ELAVL1: variants seen among roughly 807,000 people sequenced by gnomAD.
ELAVL1 encodes the protein ELAV like RNA binding protein 1, also known as ELAV-like protein 1.
ELAVL1 carries 1 observed loss-of-function variant against 28.4 expected under a neutral mutation model. The observed-to-expected ratio is 0.04, with a 90% CI of 0.01 to 0.17. The LOEUF is 0.17. Ranked by LOEUF, ELAVL1 falls within the 10% of genes least tolerant of loss-of-function variation. ELAVL1 has a pLI of 1.00. For synonymous variants in ELAVL1, 174 were observed against 183.5 expected, an observed-to-expected ratio of 0.95 and a Z score of 0.42; for missense variants, 157 against 447.2, an observed-to-expected ratio of 0.35 and a Z score of 5.85.
chr19:7,991,468 C>T (rs985819932), intron 2 of ELAVL1, among the ~76,000 whole-genome samples, 176 bp downstream of exon 2: 2 of 152,086 alleles, frequency 1.3e-5, no homozygotes, highest in Non-Finnish European at 2.9e-5. Flanking sequence ...AACTTATGTC[C>T]GATCTTATAC....
In ELAVL1 at chr19:7,998,413, G is replaced by A. The variant is rs566818379; in HGVS notation, c.-16-6582C>T. ...CGGCGGTCACACGATGATGCTCACGGTCAGGCATGCCATTAATAAGTGGCA... is the reference window on the plus strand; with the variant it reads ...CGGCGGTCACACGATGATGCTCACGATCAGGCATGCCATTAATAAGTGGCA... On this transcript the variant is annotated intron_variant, in intron 1 of 5. Transcript: ENST00000407627. 1.2e-4 allele frequency among the ~76,000 whole-genome samples: 18 copies of A among 152,284 alleles called. 1 individual carries two copies. The South Asian group carries it at 3.7e-3, about 32-fold the overall frequency.
intron 1 of ELAVL1, among the ~76,000 whole-genome samples, chr19:7,994,405 G>A (rs1985826605): frequency 6.6e-6 from 1 of 152,256 alleles, no homozygotes; most frequent in Non-Finnish European, 1.5e-5. Flanking sequence ...AACCCCAAAT[G>A]TCAGTACTGC....
At chr19:7,971,968 G>A (rs1985126058) in intron 4 of ELAVL1, among the ~76,000 whole-genome samples, 1 of 152,254 alleles carries the variant, frequency 6.6e-6, no homozygotes, top group South Asian at 2.1e-4. Context: ...GAAAGGCGAG[G>A]CTCTGGGCTG....
chr19:7,972,633 CT>C (rs34254806), intron 4 of ELAVL1, among the ~76,000 whole-genome samples: 34,626 of 149,932 alleles, frequency 0.23, 4,265 homozygotes, highest in Non-Finnish European at 0.29. Flanking sequence ...TTTTCTTTTT[CT>C]TTTTTTTTAA....
At position 7,967,633 on chromosome 19, in the gene ELAVL1, G is replaced by C; in HGVS notation, c.588C>G (p.Leu196=). 1 of 1,614,232 alleles carries C rather than the reference G, an allele frequency of 6.2e-7. No individual in the cohort carries two copies. The highest frequency in any genetic ancestry group is 8.5e-7 in the Non-Finnish European group (1 of 1,180,030). Residue 196 remains leucine, a synonymous_variant, in exon 5 of 6, where the codon CTC becomes CTG. Coordinates refer to ENST00000407627, the MANE Select transcript of ELAVL1 (RefSeq NM_001419.3). ...GCGCTGGCGAGTGGTACAGCTGCGA[G>C]AGGAGTGCCACGTTTTTGTTCTGGT... ...NPNQNKNVAL[L]SQLYHSPARR...
Position 7,967,547 on chromosome 19 carries a change from C to G in ELAVL1, c.656+18G>C, listed in dbSNP as rs201956891. ...GGGCTAAGTATGGCTTTCAGGAGCGCGCACCCTCCCGACCCACCTGAATCT... is the reference window on the plus strand; with the variant it reads ...GGGCTAAGTATGGCTTTCAGGAGCGGGCACCCTCCCGACCCACCTGAATCT... On this transcript the variant is annotated intron_variant, in intron 5 of 5. Transcript: ENST00000407627. 1.2e-6 allele frequency: 2 copies of G among 1,611,472 alleles called. No homozygotes were observed. The highest frequency in any genetic ancestry group is 1.7e-6 in the Non-Finnish European group (2 of 1,178,888).
At chr19:7,976,534 G>C (rs2081172) in intron 3 of ELAVL1, among the ~76,000 whole-genome samples, 103,752 of 152,160 alleles carry the variant, frequency 0.68, 35,723 homozygotes, top group African/African-American at 0.75. Context: ...CTTCTCTAAA[G>C]CAAGCAGTGC....
At position 7,982,683 on chromosome 19, in the gene ELAVL1, G is replaced by A. The variant is rs919808938; in HGVS notation, c.173-1497C>T. Among the ~76,000 whole-genome samples, 16 of 152,140 alleles carry A rather than the reference G, an allele frequency of 1.1e-4. No individual in the cohort carries two copies. Among genetic ancestry groups the A allele is most frequent in the Non-Finnish European group, 1.6e-4 (11 of 68,006 alleles). On this transcript the variant is annotated intron_variant, in intron 2 of 5. Coordinates refer to ENST00000407627, the MANE Select transcript of ELAVL1 (RefSeq NM_001419.3). This position sits in a 1 kb window ranked among gnomAD's most constrained non-coding sequence, Gnocchi z 4.3. ...AATGTTCCCATTACCTCTAGTCCAC[G>A]CCCCAGCCGCTTCCTTAGTCTTTCC...
intron 1 of ELAVL1, among the ~76,000 whole-genome samples, chr19:7,995,037 C>T (rs545331905): frequency 6.6e-5 from 10 of 152,288 alleles, no homozygotes; most frequent in African/African-American, 7.2e-5. Context: ...TCTAAATATT[C>T]GTTAATGGGA....
chr19:7,990,715 C>T (rs62123128), intron 2 of ELAVL1, among the ~76,000 whole-genome samples: 246 of 152,204 alleles, frequency 1.6e-3, no homozygotes, highest in Non-Finnish European at 3.0e-3. Flanking sequence ...TCCAGGGTGG[C>T]AGACAGAGCC....
intron 2 of ELAVL1, among the ~76,000 whole-genome samples, chr19:7,990,569 T>C (rs1001356603): frequency 7.2e-5 from 11 of 151,778 alleles, no homozygotes; most frequent in African/African-American, 9.7e-5. Context: ...GGTTTCACCA[T>C]GTTGCCCAGG....
intron 1 of ELAVL1, among the ~76,000 whole-genome samples, chr19:7,997,714 G>A (rs1226441842): frequency 6.6e-6 from 1 of 151,886 alleles, no homozygotes; most frequent in African/African-American, 2.4e-5. Flanking sequence ...GCCAAGGTGG[G>A]AGGACTGCTT....
chr19:7,977,204 A>G (rs1025607362), intron 3 of ELAVL1, among the ~76,000 whole-genome samples: 12 of 152,160 alleles, frequency 7.9e-5, no homozygotes, highest in Admixed American at 5.9e-4. Flanking sequence ...TGTGGGTGAC[A>G]GGAGTTCTGC....
At chr19:7,977,726 G>C (rs1183970819) in intron 3 of ELAVL1, among the ~76,000 whole-genome samples, 1 of 152,274 alleles carries the variant, frequency 6.6e-6, no homozygotes, top group Non-Finnish European at 1.5e-5. Context: ...AGAGGACAGA[G>C]CGGACGGGGT....
In ELAVL1 at chr19:7,973,896, T is replaced by C; in HGVS notation, c.277-18A>G. The C allele has an allele frequency of 6.2e-7, 1 of 1,613,240 alleles. No individual in the cohort carries two copies. The highest frequency in any genetic ancestry group is 1.7e-4 in the Middle Eastern group (1 of 6,054). ...TACGACACCTTGGGAACACAACCAC[T>C]TTCCGAGATTAGTACAGGCACGTGG... On this transcript the variant is annotated intron_variant, in intron 3 of 5. Coordinates refer to ENST00000407627, the MANE Select transcript of ELAVL1 (RefSeq NM_001419.3).
At chr19:7,974,745 T>A (rs1985231839) in intron 3 of ELAVL1, among the ~76,000 whole-genome samples, 1 of 152,114 alleles carries the variant, frequency 6.6e-6, no homozygotes, top group South Asian at 2.1e-4. Context: ...AGGAAGTTCA[T>A]TCCCTTTGAG....
At chr19:8,002,075 C>T in intron 1 of ELAVL1, 1 of 1,289,382 alleles carries the variant, frequency 7.8e-7, no homozygotes, top group Non-Finnish European at 1.0e-6. Context: ...GCCAAGCCCT[C>T]TGCCCAGTGG....
rs1314267227 is a variant in ELAVL1 at position 7,960,868 on chromosome 19, G to A, written c.*2615C>T. 1.3e-5 allele frequency: 2 copies of A among 152,182 alleles called. No individual in the cohort carries two copies. The highest frequency in any genetic ancestry group is 1.3e-4 in the Admixed American group (2 of 15,272). The allele number at this position is 152,182 out of a possible 1,614,324, so 9.4% of individuals were successfully genotyped here. On this transcript the variant is annotated 3_prime_UTR_variant, in exon 6 of 6. Transcript: ENST00000407627. ...CCCCTTTGCAAACAGGCCTTGATAA[G>A]ATGTAATGAACTTTGAGGACACAGG...
intron 3 of ELAVL1, among the ~76,000 whole-genome samples, chr19:7,977,529 G>C (rs1267399698): frequency 7.3e-6 from 1 of 136,906 alleles, no homozygotes; most frequent in African/African-American, 3.4e-5. Flanking sequence ...GCTGCACACA[G>C]AGACTGTGCA....
Sources: gnomAD v4.1 joint callset for allele counts (sites outside exome capture counted in the v4.1 genomes callset) on GRCh38, gnomAD v4.1.1 for gene constraint, Gnocchi (gnomAD v3.1) non-coding constraint, MANE v1.5 for transcripts, NCBI Gene and HGNC (gene_info 2026-07-23, HGNC 2026-07-21) for gene names.